The following HLTF variants were observed in gnomAD, a reference collection of about 807,000 sequenced individuals.
The protein encoded by HLTF is helicase like transcription factor, also known as DNA-dependent ATPase/E3 ubiquitin-protein ligase HLTF.
A neutral mutation model predicts 129.4 loss-of-function variants in HLTF; 127 were observed. The observed-to-expected ratio is 0.98, with a 90% CI of 0.85 to 1.14. HLTF has a LOEUF of 1.14. Ranked by LOEUF, HLTF falls within the 50% of genes most tolerant of loss-of-function variation. The probability of loss-of-function intolerance (pLI) is 0.00; values close to 1 mark genes in which losing one functional copy is unlikely to be tolerated. For missense variants in HLTF, 1,139 were observed against 1,187.1 expected, an observed-to-expected ratio of 0.96 and a Z score of 0.60; for synonymous variants, 332 against 388.8, an observed-to-expected ratio of 0.85 and a Z score of 1.72.
At chr3:149,054,047 A>T (rs1316420216) in intron 14 of HLTF, among the ~76,000 whole-genome samples, 1 of 152,146 alleles carries the variant, frequency 6.6e-6, no homozygotes, top group Non-Finnish European at 1.5e-5. Flanking sequence ...ATAAATAAAT[A>T]AACCAAAAAC....
intron 23 of HLTF, among the ~76,000 whole-genome samples, chr3:149,037,213 G>A (rs1376123945): frequency 6.6e-6 from 1 of 152,132 alleles, no homozygotes; most frequent in Non-Finnish European, 1.5e-5. Context: ...GCTCATGCCT[G>A]TAATCCCAGC....
In HLTF at chr3:149,071,658, C is replaced by G. The variant is rs1295713825; in HGVS notation, c.628-1G>C. ...ACAATTTGTCAAATTCTGTTTTAAGCTACAATAAACAGCAACAAGAAACAA... is the reference window on the plus strand; with the variant it reads ...ACAATTTGTCAAATTCTGTTTTAAGGTACAATAAACAGCAACAAGAAACAA... On this transcript the variant is annotated splice_acceptor_variant, in intron 5 of 24. Transcript: ENST00000310053. LOFTEE classifies it high-confidence loss of function. The G allele has an allele frequency of 2.0e-6, 3 of 1,507,352 alleles. No individual in the cohort carries two copies. Among genetic ancestry groups the G allele is most frequent in the Non-Finnish European group, 2.7e-6 (3 of 1,092,810 alleles). 93.4% of individuals were successfully genotyped at this position (1,507,352 alleles called of 1,614,324 possible). A position where few individuals can be genotyped will look rare whatever the true frequency, so the allele number is the denominator to read the frequency against.
At chr3:149,086,203 A>G (rs1017479783) in intron 1 of HLTF, 114 bp downstream of exon 1, 19 of 1,121,842 alleles carry the variant, frequency 1.7e-5, no homozygotes, top group Non-Finnish European at 2.4e-5. Context: ...AACAGAACGA[A>G]TACAGCTGCA....
At chr3:149,074,556 G>GA (rs578211639) in intron 3 of HLTF, among the ~76,000 whole-genome samples, 21 of 152,216 alleles carry the variant, frequency 1.4e-4, no homozygotes, top group Middle Eastern at 6.8e-3. Context: ...CAGAGTGCCA[G>GA]AAAAAATTGA....
intron 8 of HLTF, among the ~76,000 whole-genome samples, chr3:149,065,816 A>T (rs1251828165): frequency 6.6e-6 from 1 of 152,166 alleles, no homozygotes; most frequent in Non-Finnish European, 1.5e-5. Context: ...CTCAAAAAAT[A>T]AAATTAAATT....
intron 9 of HLTF, among the ~76,000 whole-genome samples, chr3:149,063,780 C>G (rs1210402222): frequency 2.0e-5 from 3 of 151,982 alleles, no homozygotes; most frequent in African/African-American, 4.8e-5. Context: ...AGCTGAATGT[C>G]TTGCTGTACC....
intron 10 of HLTF, among the ~76,000 whole-genome samples, chr3:149,062,059 T>A (rs1331162481): frequency 6.6e-6 from 1 of 152,206 alleles, no homozygotes; most frequent in Non-Finnish European, 1.5e-5. Flanking sequence ...ACCAGTAATT[T>A]GTTATGTGAT....
rs78312913 is a variant in HLTF at position 149,080,769 on chromosome 3, G to C, written c.228+3913C>G. On this transcript the variant is annotated intron_variant, in intron 2 of 24. Coordinates refer to ENST00000310053, the MANE Select transcript of HLTF (RefSeq NM_003071.4). ...AAAATATATATGAGCCAAAATATTG[G>C]AGACTATAAAAACAAAAACATGGTC... 3.7e-3 allele frequency among the ~76,000 whole-genome samples: 558 copies of C among 151,772 alleles called. 4 individuals are homozygous for C. Among genetic ancestry groups the C allele is most frequent in the African/African-American group, 0.013 (531 of 41,350 alleles).
chr3:149,062,135 T>C (rs1198887918), intron 10 of HLTF, among the ~76,000 whole-genome samples: 1 of 152,150 alleles, frequency 6.6e-6, no homozygotes, highest in African/African-American at 2.4e-5. Context: ...AATAAAAATA[T>C]AATCCTCATA....
intron 7 of HLTF, among the ~76,000 whole-genome samples, chr3:149,068,878 C>A (rs1246661755): frequency 6.6e-6 from 1 of 152,144 alleles, no homozygotes; most frequent in Non-Finnish European, 1.5e-5. Flanking sequence ...ATTAGTAAAT[C>A]TCTGGCAATT....
intron 24 of HLTF, among the ~76,000 whole-genome samples, chr3:149,033,134 T>C (rs1341457667): frequency 6.6e-6 from 1 of 152,066 alleles, no homozygotes; most frequent in Non-Finnish European, 1.5e-5. Context: ...ATATTTAATG[T>C]GAAACAATAA....
At chr3:149,061,691 C>G (rs1018902187) in intron 10 of HLTF, among the ~76,000 whole-genome samples, 1 of 151,582 alleles carries the variant, frequency 6.6e-6, no homozygotes, top group African/African-American at 2.4e-5. Context: ...CAAAAACTAG[C>G]CAGGTGTGGT....
At chr3:149,047,516 C>A (rs559108353) in intron 17 of HLTF, among the ~76,000 whole-genome samples, 2 of 152,270 alleles carry the variant, frequency 1.3e-5, no homozygotes, top group East Asian at 1.9e-4. Flanking sequence ...CTGGCGCAGA[C>A]CTGTAATCTC....
chr3:149,085,580 A>G (rs921810655), intron 1 of HLTF, among the ~76,000 whole-genome samples: 1 of 152,202 alleles, frequency 6.6e-6, no homozygotes, highest in East Asian at 1.9e-4. Context: ...CTATTAATGT[A>G]CCAGAAGTTG....
intron 8 of HLTF, among the ~76,000 whole-genome samples, chr3:149,067,762 T>G (rs553135794): frequency 1.3e-5 from 2 of 152,270 alleles, no homozygotes; most frequent in South Asian, 4.1e-4. Context: ...TCCTTTCAGA[T>G]AGTTTCTTAG....
At chr3:149,038,392 T>A (rs1272830923) in intron 23 of HLTF, among the ~76,000 whole-genome samples, 1 of 152,234 alleles carries the variant, frequency 6.6e-6, no homozygotes, top group East Asian at 1.9e-4. Flanking sequence ...AGTACTTAAA[T>A]ATTTACATGG....
At chr3:149,086,281 T>G (rs1368437455) in intron 1 of HLTF, 36 bp downstream of exon 1, 4 of 1,596,580 alleles carry the variant, frequency 2.5e-6, no homozygotes, top group Non-Finnish European at 3.4e-6. Flanking sequence ...CTCCAGGCCG[T>G]TAGACCGAGC....
intron 24 of HLTF, among the ~76,000 whole-genome samples, chr3:149,034,481 G>T (rs144301352): frequency 4.6e-5 from 7 of 152,234 alleles, no homozygotes; most frequent in African/African-American, 1.7e-4. Context: ...TTAAGATGAT[G>T]AAAAAGTTCT....
chr3:149,053,403 ACT>A (rs1360062285), intron 14 of HLTF, among the ~76,000 whole-genome samples: 2 of 150,606 alleles, frequency 1.3e-5, no homozygotes, highest in Admixed American at 1.3e-4. Context: ...GCACCTCTCC[ACT>A]CTCTCTCTTA....
Sources: allele counts gnomAD v4.1 joint callset (sites outside exome capture counted in the v4.1 genomes callset), GRCh38; gene constraint gnomAD v4.1.1; transcripts MANE v1.5; gene names NCBI Gene and HGNC (gene_info 2026-07-23, HGNC 2026-07-21).